The following MYO3A variants were observed in gnomAD, a reference collection of about 807,000 sequenced individuals.
The protein encoded by MYO3A is myosin IIIA, also known as myosin-IIIa.
Under a neutral mutation model 192.7 loss-of-function variants are expected in MYO3A, and 180 were observed. The ratio of observed to expected loss-of-function variants is 0.93; its 90% CI spans 0.83 to 1.06. The LOEUF (loss-of-function observed/expected upper bound fraction) is 1.06. MYO3A is among the 50% of genes least tolerant of loss of function. The pLI, the probability that MYO3A is intolerant of heterozygous loss-of-function variation, is 0.00. For missense variants in MYO3A, 1,896 were observed against 1,905.0 expected, an observed-to-expected ratio of 1.00 and a Z score of 0.09; for synonymous variants, 628 against 645.3, an observed-to-expected ratio of 0.97 and a Z score of 0.41.
At chr10:26,091,594 A>G (rs948287006) in intron 15 of MYO3A, among the ~76,000 whole-genome samples, 4 of 152,220 alleles carry the variant, frequency 2.6e-5, no homozygotes, top group African/African-American at 9.6e-5. Flanking sequence ...AGTGGCTGAC[A>G]TGGTCCTCTC....
At position 26,180,126 on chromosome 10, in the gene MYO3A, C is replaced by T. The variant is rs1013754462; in HGVS notation, c.4438+3281C>T. Among the ~76,000 whole-genome samples the T allele has an allele frequency of 7.2e-4, 110 of 152,136 alleles. 1 individual carries two copies. The highest frequency in any genetic ancestry group is 2.4e-3 in the Admixed American group (37 of 15,278). ...CTGGGATTACAAGTGTGAGCCACCGCGCCTGGCCTCAATTATTAATTTAGA... is the reference window on the plus strand; with the variant it reads ...CTGGGATTACAAGTGTGAGCCACCGTGCCTGGCCTCAATTATTAATTTAGA... On this transcript the variant is annotated intron_variant, in intron 31 of 34. Coordinates refer to ENST00000642920, the MANE Select transcript of MYO3A (RefSeq NM_017433.5).
rs1837440569 is a variant in MYO3A at position 25,954,877 on chromosome 10, A to G, written c.172A>G (p.Ile58Val). The G allele has an allele frequency of 3.1e-6, 5 of 1,611,854 alleles. No homozygotes were observed. In the African/African-American group the frequency reaches 4.0e-5, roughly 13 times the overall value. ...TCTTATGACTTTTTGAAACTAGGAT[A>G]TTGACGAAGAGATTGAAGCAGAATA... The part of the protein sequence containing the change: ...AVKILDPIHD[I>V]DEEIEAEYNI... Residue 58 changes from isoleucine to valine, a missense_variant, in exon 4 of 35, where the codon ATT becomes GTT. Physicochemically the swap from Ile to Val is conservative, Grantham distance 29. Transcript: ENST00000642920.
chr10:25,943,025 A>G (rs1836600707), intron 2 of MYO3A, among the ~76,000 whole-genome samples: 1 of 151,676 alleles, frequency 6.6e-6, no homozygotes, highest in African/African-American at 2.4e-5. Context: ...TGCCAAATCC[A>G]TTTTCATGAA....
At chr10:25,937,221 C>T (rs887186797) in intron 2 of MYO3A, among the ~76,000 whole-genome samples, 33 of 152,172 alleles carry the variant, frequency 2.2e-4, no homozygotes, top group African/African-American at 7.7e-4. Flanking sequence ...GGATGAGTTG[C>T]CCACTTTGGG....
intron 14 of MYO3A, among the ~76,000 whole-genome samples, chr10:26,083,464 T>A (rs1836102711): frequency 6.6e-6 from 1 of 152,222 alleles, no homozygotes; most frequent in Non-Finnish European, 1.5e-5. Context: ...TCTTCCTTTC[T>A]GATTTGGGTG....
At chr10:26,190,171 C>G (rs938747853) in intron 31 of MYO3A, among the ~76,000 whole-genome samples, 8 of 152,136 alleles carry the variant, frequency 5.3e-5, no homozygotes, top group Non-Finnish European at 1.0e-4. Context: ...TTAAATGAGT[C>G]GTTTCATCCA....
chr10:26,049,161 G>A (rs900772293), intron 10 of MYO3A, among the ~76,000 whole-genome samples: 2 of 152,184 alleles, frequency 1.3e-5, no homozygotes, highest in Non-Finnish European at 2.9e-5. Flanking sequence ...TCTGTAGAGT[G>A]GGGTGAAGGA....
chr10:26,142,772 A>C (rs1425577627), intron 20 of MYO3A, among the ~76,000 whole-genome samples: 2 of 152,164 alleles, frequency 1.3e-5, no homozygotes, highest in African/African-American at 4.8e-5. Flanking sequence ...ATTGTGATTG[A>C]AAAGTTATAT....
chr10:26,083,261 A>G (rs1006030112), intron 14 of MYO3A, among the ~76,000 whole-genome samples: 3 of 152,220 alleles, frequency 2.0e-5, no homozygotes, highest in Admixed American at 1.3e-4. Context: ...CATATACAAC[A>G]TGGATACATT....
intron 31 of MYO3A, among the ~76,000 whole-genome samples, chr10:26,179,982 C>T (rs1276341853): frequency 1.3e-5 from 2 of 151,972 alleles, no homozygotes; most frequent in African/African-American, 2.4e-5. Flanking sequence ...TACAAACGTG[C>T]GGCACCACGC....
chr10:26,118,239 C>T (rs1376976061), intron 17 of MYO3A, among the ~76,000 whole-genome samples: 1 of 151,984 alleles, frequency 6.6e-6, no homozygotes, highest in East Asian at 1.9e-4. Flanking sequence ...AGCACAATGT[C>T]AGATGCTGTA....
intron 29 of MYO3A, among the ~76,000 whole-genome samples, chr10:26,170,840 T>C (rs1842013210): frequency 6.6e-6 from 1 of 152,244 alleles, no homozygotes; most frequent in South Asian, 2.1e-4. Context: ...TATCTAAATG[T>C]ATCCCTGGGC....
At chr10:26,020,813 A>G (rs1404210998) in intron 7 of MYO3A, among the ~76,000 whole-genome samples, 2 of 152,202 alleles carry the variant, frequency 1.3e-5, no homozygotes, top group Non-Finnish European at 2.9e-5. Context: ...AAAATTACAA[A>G]AACAAATTCC....
intron 4 of MYO3A, among the ~76,000 whole-genome samples, chr10:25,971,555 A>G (rs184348629): frequency 5.1e-4 from 77 of 152,132 alleles, no homozygotes; most frequent in African/African-American, 1.8e-3. Flanking sequence ...AGTTCTGTCA[A>G]TTTTGTTTAC....
intron 6 of MYO3A, among the ~76,000 whole-genome samples, chr10:25,998,351 C>T (rs1840579694): frequency 6.6e-6 from 1 of 152,174 alleles, no homozygotes; most frequent in African/African-American, 2.4e-5. Flanking sequence ...TTCAGAGCAT[C>T]TAGAGAGGAA....
At chr10:26,042,178 C>G (rs1285383651) in intron 10 of MYO3A, among the ~76,000 whole-genome samples, 1 of 152,138 alleles carries the variant, frequency 6.6e-6, no homozygotes, top group African/African-American at 2.4e-5. Flanking sequence ...ACTAAAAATT[C>G]AGCTGCCAAA....
At chr10:25,962,522 A>G (rs1453668761) in intron 4 of MYO3A, among the ~76,000 whole-genome samples, 2 of 152,218 alleles carry the variant, frequency 1.3e-5, no homozygotes, top group African/African-American at 4.8e-5. Context: ...TGATGTAGAC[A>G]TAAAGGGAGA....
intron 4 of MYO3A, among the ~76,000 whole-genome samples, chr10:25,969,756 C>CA (rs1203246059): frequency 6.6e-6 from 1 of 152,058 alleles, no homozygotes; most frequent in Non-Finnish European, 1.5e-5. Context: ...TTAGACTATA[C>CA]AATTTAAAGG....
At chr10:26,017,024 T>C in intron 7 of MYO3A, 128 bp downstream of exon 7, 1 of 1,068,142 alleles carries the variant, frequency 9.4e-7, no homozygotes, top group East Asian at 2.6e-5. Flanking sequence ...GTTATTTTCA[T>C]GTGAGAATTT....
Sources: allele counts gnomAD v4.1 joint callset (sites outside exome capture counted in the v4.1 genomes callset), GRCh38; gene constraint gnomAD v4.1.1; transcripts MANE v1.5; gene names NCBI Gene and HGNC (gene_info 2026-07-23, HGNC 2026-07-21).